ST8SIA1: variants seen among roughly 807,000 people sequenced by gnomAD.
ST8SIA1 encodes alpha-N-acetylneuraminide alpha-2,8-sialyltransferase.
A neutral mutation model predicts 35.9 loss-of-function variants in ST8SIA1; 16 were observed. That is an observed-to-expected ratio of 0.45 (90% CI 0.30 to 0.68). The LOEUF (loss-of-function observed/expected upper bound fraction) is 0.68. Ranked by LOEUF, ST8SIA1 falls within the 30% of genes least tolerant of loss-of-function variation. ST8SIA1 has a pLI of 0.09. For synonymous variants in ST8SIA1, 170 were observed against 169.6 expected, an observed-to-expected ratio of 1.00 and a Z score of -0.02; for missense variants, 383 against 453.6, an observed-to-expected ratio of 0.84 and a Z score of 1.41.
chr12:22,236,784 C>CT (rs1417938587), intron 4 of ST8SIA1, among the ~76,000 whole-genome samples: 1 of 152,136 alleles, frequency 6.6e-6, no homozygotes, highest in African/African-American at 2.4e-5. Flanking sequence ...ACACTGAAGA[C>CT]TAGAGCTTCA....
At chr12:22,233,288 G>C (rs1865439019) in intron 4 of ST8SIA1, among the ~76,000 whole-genome samples, 1 of 152,014 alleles carries the variant, frequency 6.6e-6, no homozygotes, top group Admixed American at 6.6e-5. Context: ...TCTTCGAAAT[G>C]CTAAAAGGAT....
chr12:22,327,912 G>T (rs374584998), intron 1 of ST8SIA1, among the ~76,000 whole-genome samples: 1 of 152,022 alleles, frequency 6.6e-6, no homozygotes, highest in Non-Finnish European at 1.5e-5. Flanking sequence ...TCTTAATTAC[G>T]CATACTTTCA....
intron 4 of ST8SIA1, among the ~76,000 whole-genome samples, chr12:22,222,548 T>C (rs60247978): frequency 1.1e-3 from 160 of 152,136 alleles, no homozygotes; most frequent in African/African-American, 3.6e-3. Context: ...AATATTTTAA[T>C]TAAAAGTAGC....
intron 1 of ST8SIA1, among the ~76,000 whole-genome samples, chr12:22,293,567 C>T (rs926245359): frequency 3.3e-5 from 5 of 152,150 alleles, no homozygotes; most frequent in African/African-American, 7.2e-5. Context: ...GTCACAGAGC[C>T]TGATTCATGA....
chr12:22,244,171 G>T (rs993371997), intron 4 of ST8SIA1, among the ~76,000 whole-genome samples: 2 of 152,252 alleles, frequency 1.3e-5, no homozygotes, highest in African/African-American at 4.8e-5. Flanking sequence ...ACTATAAGTT[G>T]TATAGTCCTC....
At chr12:22,284,503 G>A (rs1755121578) in intron 2 of ST8SIA1, among the ~76,000 whole-genome samples, 1 of 152,156 alleles carries the variant, frequency 6.6e-6, no homozygotes, top group Admixed American at 6.5e-5. Flanking sequence ...ATGGATGAGA[G>A]CAGAGGGAAA....
chr12:22,333,889 AG>A lies in ST8SIA1; in HGVS notation c.236+107del, dbSNP rs780340746. 3.1e-6 allele frequency: 3 copies of A among 960,870 alleles called. No homozygotes were observed. The South Asian group carries it at 3.8e-5, about 12-fold the overall frequency. 59.5% of individuals were successfully genotyped at this position (960,870 alleles called of 1,614,324 possible). A position where few individuals can be genotyped will look rare whatever the true frequency, so the allele number is the denominator to read the frequency against. ...GAAAGGACATGGAAGAGCGGATGAA[AG>A]GGATGCCTCTGCGAGACGGTGCAAG... On this transcript the variant is annotated intron_variant, in intron 1 of 4. Coordinates refer to ENST00000396037, the MANE Select transcript of ST8SIA1 (RefSeq NM_003034.4).
chr12:22,322,353 G>A (rs1866613025), intron 1 of ST8SIA1, among the ~76,000 whole-genome samples: 1 of 152,216 alleles, frequency 6.6e-6, no homozygotes. Context: ...TCAGTAATTA[G>A]CATTGTGCCT....
intron 1 of ST8SIA1, among the ~76,000 whole-genome samples, chr12:22,320,726 T>G (rs1866576196): frequency 6.6e-6 from 1 of 151,312 alleles, no homozygotes; most frequent in Non-Finnish European, 1.5e-5. Flanking sequence ...TCCCAGGTAC[T>G]TGGGAGGCTG....
rs188833903 is a variant in ST8SIA1, at chr12:22,222,712, T to C, written c.585-20674A>G. On this transcript the variant is annotated intron_variant, in intron 4 of 4. Transcript: ENST00000396037. ...TGGAAGCAATCACTGTACTCATTGATTTATTTATGATTGATAAATAAAATT... is the reference window on the plus strand; with the variant it reads ...TGGAAGCAATCACTGTACTCATTGACTTATTTATGATTGATAAATAAAATT... Among the ~76,000 whole-genome samples the C allele has an allele frequency of 1.3e-4, 20 of 152,146 alleles. No individual in the cohort carries two copies. The East Asian group carries it at 3.9e-3, about 29-fold the overall frequency.
At chr12:22,321,527 C>T (rs1246603791) in intron 1 of ST8SIA1, among the ~76,000 whole-genome samples, 1 of 152,194 alleles carries the variant, frequency 6.6e-6, no homozygotes, top group Non-Finnish European at 1.5e-5. Context: ...GGTTCTAGAG[C>T]CTGAGCAGGC....
intron 1 of ST8SIA1, among the ~76,000 whole-genome samples, chr12:22,330,465 G>C (rs1591860891): frequency 6.6e-6 from 1 of 152,070 alleles, no homozygotes; most frequent in Non-Finnish European, 1.5e-5. Flanking sequence ...AACTAGAAAG[G>C]GATACAGCCA....
intron 4 of ST8SIA1, among the ~76,000 whole-genome samples, chr12:22,228,725 A>C (rs1865383813): frequency 6.6e-6 from 1 of 152,114 alleles, no homozygotes; most frequent in African/African-American, 2.4e-5. Context: ...AGAAAGTAGG[A>C]GACAGTGGTG....
intron 4 of ST8SIA1, among the ~76,000 whole-genome samples, chr12:22,204,235 T>C (rs907447433): frequency 2.6e-5 from 4 of 152,146 alleles, no homozygotes; most frequent in Admixed American, 1.3e-4. Flanking sequence ...GTCTTCTAAA[T>C]ACGGTTAGAA....
intron 1 of ST8SIA1, among the ~76,000 whole-genome samples, chr12:22,320,246 C>T (rs530669907): frequency 3.2e-4 from 49 of 152,072 alleles, no homozygotes; most frequent in Non-Finnish European, 5.0e-4. Context: ...AAGACTTATC[C>T]GGGGAATAAG....
intron 4 of ST8SIA1, among the ~76,000 whole-genome samples, chr12:22,213,499 ATC>A (rs1865198081): frequency 6.6e-6 from 1 of 152,212 alleles, no homozygotes; most frequent in Admixed American, 6.5e-5. Context: ...ATATGCATAT[ATC>A]TGAAATGAAT....
intron 1 of ST8SIA1, among the ~76,000 whole-genome samples, chr12:22,320,583 A>C (rs2728823): frequency 6.6e-6 from 1 of 151,914 alleles, no homozygotes; most frequent in African/African-American, 2.4e-5. Context: ...GGTGGCTTAC[A>C]CCTGTAATCC....
At chr12:22,295,644 A>T (rs1305143575) in intron 1 of ST8SIA1, among the ~76,000 whole-genome samples, 1 of 151,978 alleles carries the variant, frequency 6.6e-6, no homozygotes, top group Non-Finnish European at 1.5e-5. Context: ...TGTTTGGAGG[A>T]TTGCTTGAGC....
Position 22,195,145 on chromosome 12 carries a change from T to G in ST8SIA1, c.*6407A>C, listed in dbSNP as rs1238588324. 3 of 133,114 alleles carry G rather than the reference T, an allele frequency of 2.3e-5. No homozygotes were observed. Among genetic ancestry groups the G allele is most frequent in the African/African-American group, 8.7e-5 (3 of 34,370 alleles). 8.2% of individuals were successfully genotyped at this position (133,114 alleles called of 1,614,324 possible). A position where few individuals can be genotyped will look rare whatever the true frequency, so the allele number is the denominator to read the frequency against. ...TTGCGGTGAGCCGAGATCACGCCAT[T>G]GCACTCCAGCCTGGGCAACAAGAGC... On this transcript the variant is annotated 3_prime_UTR_variant, in exon 5 of 5. Transcript: ENST00000396037.
Sources: allele counts gnomAD v4.1 joint callset (sites outside exome capture counted in the v4.1 genomes callset), GRCh38; gene constraint gnomAD v4.1.1; transcripts MANE v1.5; gene names NCBI Gene and HGNC (gene_info 2026-07-23, HGNC 2026-07-21).